XDH: variants seen among roughly 807,000 people sequenced by gnomAD.
The protein encoded by XDH is xanthine dehydrogenase/oxidase.
A neutral mutation model predicts 156.1 loss-of-function variants in XDH; 138 were observed. The ratio of observed to expected loss-of-function variants is 0.88; its 90% CI spans 0.77 to 1.02. The LOEUF (loss-of-function observed/expected upper bound fraction) is 1.02. Ranked by LOEUF, XDH falls within the 50% of genes least tolerant of loss-of-function variation. The pLI, the probability that XDH is intolerant of heterozygous loss-of-function variation, is 0.00. For missense variants in XDH, 1,849 were observed against 1,684.9 expected, an observed-to-expected ratio of 1.10 and a Z score of -1.71; for synonymous variants, 669 against 625.7, an observed-to-expected ratio of 1.07 and a Z score of -1.03.
intron 24 of XDH, among the ~76,000 whole-genome samples, chr2:31,360,995 C>G (rs1685763173): frequency 6.6e-6 from 1 of 152,182 alleles, no homozygotes; most frequent in Admixed American, 6.5e-5. Context: ...AGAACACAAG[C>G]CTGATTTAGT....
At chr2:31,370,238 T>C (rs1422476937) in intron 18 of XDH, 117 bp downstream of exon 18, 3 of 1,224,614 alleles carry the variant, frequency 2.4e-6, no homozygotes, top group Non-Finnish European at 3.5e-6. Context: ...AACTGGATGA[T>C]GGCCATAATC....
intron 6 of XDH, among the ~76,000 whole-genome samples, chr2:31,394,164 C>T (rs1447586797): frequency 3.3e-5 from 5 of 151,886 alleles, no homozygotes; most frequent in Admixed American, 6.5e-5. Flanking sequence ...TGGCCTACAT[C>T]ATTTTCCTTC....
At chr2:31,379,376 C>T (rs886724781) in intron 13 of XDH, among the ~76,000 whole-genome samples, 5 of 152,194 alleles carry the variant, frequency 3.3e-5, no homozygotes. Context: ...TCATGCAGCA[C>T]ATGAACCCCA....
chr2:31,412,135 A>G (rs1303369292), intron 1 of XDH, among the ~76,000 whole-genome samples: 1 of 152,244 alleles, frequency 6.6e-6, no homozygotes, highest in African/African-American at 2.4e-5. Flanking sequence ...CAGAAAAGCT[A>G]GAATGCTGCC....
intron 11 of XDH, 90 bp from the exon 12 acceptor site, chr2:31,381,816 C>A: frequency 8.2e-7 from 1 of 1,215,618 alleles, no homozygotes; most frequent in Non-Finnish European, 1.2e-6. Flanking sequence ...CCAGGTGACA[C>A]CTGCTGCAGG....
chr2:31,344,853 G>A (rs905935843), intron 30 of XDH, 117 bp from the exon 31 acceptor site: 2 of 1,048,936 alleles, frequency 1.9e-6, no homozygotes, highest in South Asian at 2.7e-5. Flanking sequence ...TTTTACTAGT[G>A]ACTCCCATTT....
At position 31,349,704 on chromosome 2, in the gene XDH, T is replaced by C; in HGVS notation, c.2951A>G (p.Glu984Gly). Residue 984 changes from glutamate to glycine, a missense_variant, in exon 26 of 36, where the codon GAG (glutamate) becomes GGG (glycine). Glu to Gly is a moderately conservative substitution (Grantham distance 98). Coordinates refer to ENST00000379416, the MANE Select transcript of XDH (RefSeq NM_000379.4). Reference sequence around the variant, plus strand: ...TGCTTACTTGTTGAACTTGTCAACCTCACTCTTCCGAGCATGATACTGAGA... The same window carrying C: ...TGCTTACTTGTTGAACTTGTCAACCCCACTCTTCCGAGCATGATACTGAGA... ...ASSQYHARKS[E>G]VDKFNKENCW... The C allele has an allele frequency of 6.2e-7, 1 of 1,614,178 alleles. No individual in the cohort carries two copies. The highest frequency in any genetic ancestry group is 8.5e-7 in the Non-Finnish European group (1 of 1,180,036).
intron 23 of XDH, among the ~76,000 whole-genome samples, chr2:31,364,482 CCA>C (rs1281295406): frequency 1.3e-5 from 2 of 151,996 alleles, no homozygotes; most frequent in African/African-American, 4.8e-5. Context: ...GCCCTTGTCC[CCA>C]CACCTCTTCC....
At chr2:31,346,693 T>C (rs946436690) in intron 30 of XDH, 76 bp downstream of exon 30, 5 of 1,551,220 alleles carry the variant, frequency 3.2e-6, no homozygotes, top group Non-Finnish European at 4.5e-6. Context: ...CTATTACTTG[T>C]TCGGATTCGG....
intron 29 of XDH, among the ~76,000 whole-genome samples, chr2:31,347,192 C>T (rs1685322101): frequency 6.6e-6 from 1 of 152,172 alleles, no homozygotes; most frequent in African/African-American, 2.4e-5. Context: ...GCCAACCTGC[C>T]TCTATAATCA....
chr2:31,411,022 C>T (rs568937433), intron 1 of XDH, among the ~76,000 whole-genome samples: 18 of 152,246 alleles, frequency 1.2e-4, no homozygotes, highest in Non-Finnish European at 2.1e-4. Flanking sequence ...CGGTGGCTCA[C>T]GCCTGTAATA....
chr2:31,362,071 T>TAA (rs35510476), intron 24 of XDH, among the ~76,000 whole-genome samples: 2 of 143,920 alleles, frequency 1.4e-5, no homozygotes, highest in Non-Finnish European at 3.1e-5. Flanking sequence ...TATATATATA[T>TAA]AACTGATCTT....
chr2:31,335,498 A>T lies in XDH; in HGVS notation c.*460T>A, dbSNP rs1203596332. ...ATTGCAAAATTTGAGTATAGATTCA[A>T]GGTTATGCTTTGCTGTTCATTGGTT... On this transcript the variant is annotated 3_prime_UTR_variant, in exon 36 of 36. Transcript: ENST00000379416. 8.5e-6 allele frequency: 2 copies of T among 234,248 alleles called. No individual in the cohort carries two copies. The highest frequency in any genetic ancestry group is 1.7e-5 in the Non-Finnish European group (2 of 117,696). 14.5% of individuals were successfully genotyped at this position (234,248 alleles called of 1,614,324 possible). A position where few individuals can be genotyped will look rare whatever the true frequency, so the allele number is the denominator to read the frequency against.
chr2:31,335,334 T>C lies in XDH; in HGVS notation c.*624A>G, dbSNP rs1684946629. The C allele has an allele frequency of 6.4e-6, 1 of 156,284 alleles. No individual in the cohort carries two copies. The highest frequency in any genetic ancestry group is 6.1e-5 in the Admixed American group (1 of 16,324). 9.7% of individuals were successfully genotyped at this position (156,284 alleles called of 1,614,324 possible). Reference sequence around the variant, plus strand: ...GTACGTGCTCAATAATTGAGTTGGTTGGATTTTTGTATTATAGAGTAATCT... The same window carrying C: ...GTACGTGCTCAATAATTGAGTTGGTCGGATTTTTGTATTATAGAGTAATCT... On this transcript the variant is annotated 3_prime_UTR_variant, in exon 36 of 36. Coordinates refer to ENST00000379416, the MANE Select transcript of XDH (RefSeq NM_000379.4).
Position 31,349,125 on chromosome 2 carries a change from G to A in XDH, c.2970-145C>T, listed in dbSNP as rs555653259. 1.8e-4 allele frequency: 142 copies of A among 777,060 alleles called. No individual in the cohort carries two copies. In the African/African-American group the frequency reaches 2.3e-3, roughly 13 times the overall value. 48.1% of individuals were successfully genotyped at this position (777,060 alleles called of 1,614,324 possible). The stretch of plus-strand genomic sequence containing the variant: ...AGCTGGTGCACAGCCCACACCAGGG[G>A]GTCTTGTCAACACTCTTCTTCCCTG... On this transcript the variant is annotated intron_variant, in intron 26 of 35. Transcript: ENST00000379416.
At chr2:31,375,023 C>CTTTCTTTCTTTCTT (rs765524563) in intron 15 of XDH, among the ~76,000 whole-genome samples, 2 of 92,350 alleles carry the variant, frequency 2.2e-5, no homozygotes, top group Non-Finnish European at 3.9e-5. Context: ...TTCTTTCTTT[C>CTTTCTTTCTTTCTT]TTTTTTTTTT....
chr2:31,368,427 C>T, intron 19 of XDH, 114 bp downstream of exon 19: 7 of 1,365,712 alleles, frequency 5.1e-6, no homozygotes, highest in Non-Finnish European at 7.2e-6. Context: ...GATTTAAAAA[C>T]CCATCTAGTC....
rs35059671 is a variant in XDH, at chr2:31,341,439, T to C, written c.3520-45A>G. 6,370 of 1,541,264 alleles carry C rather than the reference T, an allele frequency of 4.1e-3. 223 individuals are homozygous for C. The African/African-American group carries it at 0.077, about 19-fold the overall frequency. Reference sequence around the variant, plus strand: ...TACAAGAAGTTAGAGGAGGAAAAGATGTTTGGAATATGACAGATGACTCAT... The same window carrying C: ...TACAAGAAGTTAGAGGAGGAAAAGACGTTTGGAATATGACAGATGACTCAT... On this transcript the variant is annotated intron_variant, in intron 32 of 35. Coordinates refer to ENST00000379416, the MANE Select transcript of XDH (RefSeq NM_000379.4).
In XDH at chr2:31,347,660, G is replaced by C; in HGVS notation, c.3148-10C>G. On this transcript the variant is annotated splice_polypyrimidine_tract_variant and intron_variant, in intron 28 of 35. Transcript: ENST00000379416. Reference sequence around the variant, plus strand: ...GAGCTCTACTGGCCACCTGCGAAAAGAGAAGACATTGCCCTCTAGGGAAGG... The same window carrying C: ...GAGCTCTACTGGCCACCTGCGAAAACAGAAGACATTGCCCTCTAGGGAAGG... 6.2e-7 allele frequency: 1 copy of C among 1,613,114 alleles called. No individual in the cohort carries two copies. Among genetic ancestry groups the C allele is most frequent in the Non-Finnish European group, 8.5e-7 (1 of 1,179,304 alleles).
Sources: allele counts gnomAD v4.1 joint callset (sites outside exome capture counted in the v4.1 genomes callset), GRCh38; gene constraint gnomAD v4.1.1; transcripts MANE v1.5; gene names NCBI Gene and HGNC (gene_info 2026-07-23, HGNC 2026-07-21).